The following RYR2 variants were observed in gnomAD, a reference collection of about 807,000 sequenced individuals.
RYR2 encodes ryanodine receptor 2.
RYR2 carries 227 observed loss-of-function variants against 601.1 expected under a neutral mutation model. That is an observed-to-expected ratio of 0.38 (90% CI 0.34 to 0.42). The LOEUF (loss-of-function observed/expected upper bound fraction) is 0.42, where lower values mean the gene tolerates loss of function less well. Among genes scored for constraint, RYR2 ranks in the 10% least tolerant of loss-of-function variants. The pLI, the probability that RYR2 is intolerant of heterozygous loss-of-function variation, is 1.00. For missense variants in RYR2, 4,646 were observed against 6,156.5 expected, an observed-to-expected ratio of 0.75 and a Z score of 8.21; for synonymous variants, 2,223 against 2,175.1, an observed-to-expected ratio of 1.02 and a Z score of -0.61.
At chr1:237,770,076 C>T (rs962912281) in intron 84 of RYR2, among the ~76,000 whole-genome samples, 15 of 152,072 alleles carry the variant, frequency 9.9e-5, no homozygotes, top group East Asian at 1.9e-4. Context: ...AACTAGGGGA[C>T]GCCTTTCTTT....
At chr1:237,643,470 C>G (rs145124340) in intron 48 of RYR2, 23 bp downstream of exon 48, 2 of 1,613,604 alleles carry the variant, frequency 1.2e-6, no homozygotes, top group East Asian at 4.5e-5. Context: ...TCAATTTGTC[C>G]TAATTCAGTA....
intron 79 of RYR2, among the ~76,000 whole-genome samples, chr1:237,740,107 A>G (rs1327247435): frequency 1.3e-5 from 2 of 152,186 alleles, no homozygotes; most frequent in African/African-American, 2.4e-5. Context: ...ACTGTCTAAT[A>G]TAACTTCCCA....
At chr1:237,111,236 CA>C (rs2148587799) in intron 1 of RYR2, among the ~76,000 whole-genome samples, 2 of 152,318 alleles carry the variant, frequency 1.3e-5, no homozygotes, top group South Asian at 4.1e-4. Flanking sequence ...CCTCTTCCAA[CA>C]GTTACATTTT....
chr1:237,742,322 T>C lies in RYR2; in HGVS notation c.11118T>C (p.Asp3706=), dbSNP rs1691685791. ...GTTGTCATGATGAGGAAGATGACGA[T>C]GGTGAAGAGGAAGTGAAGAGTTTTG... ...AKSCHDEEDD[D]GEEEVKSFEE... is the part of the protein sequence containing the mutation. The change falls in exon 80 of 105, where the codon GAT becomes GAC. Residue 3706 remains aspartate, a synonymous_variant. Transcript: ENST00000366574. 6.4e-7 allele frequency: 1 copy of C among 1,566,288 alleles called. No homozygotes were observed. The highest frequency in any genetic ancestry group is 8.7e-7 in the Non-Finnish European group (1 of 1,152,600).
chr1:237,607,213 G>A (rs1228807891), intron 35 of RYR2, among the ~76,000 whole-genome samples: 4 of 152,090 alleles, frequency 2.6e-5, no homozygotes, highest in Non-Finnish European at 5.9e-5. Flanking sequence ...AGAAAATGTG[G>A]CACATATACA....
At chr1:237,136,015 A>C (rs1198154980) in intron 1 of RYR2, among the ~76,000 whole-genome samples, 1 of 152,178 alleles carries the variant, frequency 6.6e-6, no homozygotes, top group Non-Finnish European at 1.5e-5. Context: ...TTGTGCAGGA[A>C]AGCCACTTTG....
At chr1:237,577,866 G>C (rs575063484) in intron 29 of RYR2, among the ~76,000 whole-genome samples, 2 of 152,168 alleles carry the variant, frequency 1.3e-5, no homozygotes, top group African/African-American at 4.8e-5. Flanking sequence ...GCAGTGGCAC[G>C]ATCTCAGCTC....
At chr1:237,777,799 G>T (rs2149332562) in intron 87 of RYR2, among the ~76,000 whole-genome samples, 1 of 152,326 alleles carries the variant, frequency 6.6e-6, no homozygotes, top group East Asian at 1.9e-4. Context: ...ATTTATGAAT[G>T]GAGCAATACC....
At chr1:237,105,833 T>TA (rs1668604578) in intron 1 of RYR2, among the ~76,000 whole-genome samples, 1 of 49,384 alleles carries the variant, frequency 2.0e-5, no homozygotes. Flanking sequence ...AGACTCTGTC[T>TA]CAAAAAAAAA....
rs1187435216 is a variant in RYR2, at chr1:237,452,725, T to C, written c.1293-1666T>C. On this transcript the variant is annotated intron_variant, in intron 14 of 104. Transcript: ENST00000366574. ...AGGTTAATAGCTTTCATTTTTACTC[T>C]AGCATAGTGTGATTCTACTATCTTT... is the stretch of plus-strand genomic sequence containing the variant. Among the ~76,000 whole-genome samples, 3 of 151,296 alleles carry C rather than the reference T, an allele frequency of 2.0e-5. No individual in the cohort carries two copies. The East Asian group carries it at 5.8e-4, about 29-fold the overall frequency.
chr1:237,123,990 G>A (rs1235482436), intron 1 of RYR2, among the ~76,000 whole-genome samples: 1 of 152,136 alleles, frequency 6.6e-6, no homozygotes, highest in Admixed American at 6.5e-5. Flanking sequence ...TGCTATAGCT[G>A]TCTCTTTTCT....
intron 69 of RYR2, 125 bp from the exon 70 acceptor site, chr1:237,709,355 A>G (rs1158428119): frequency 2.8e-6 from 2 of 726,114 alleles, no homozygotes; most frequent in Non-Finnish European, 4.7e-6. Context: ...TAAATATTAC[A>G]ACACTGTGCT....
At chr1:237,671,030 C>T (rs1261328861) in intron 58 of RYR2, among the ~76,000 whole-genome samples, 1 of 152,214 alleles carries the variant, frequency 6.6e-6, no homozygotes, top group Non-Finnish European at 1.5e-5. Flanking sequence ...CACATCCATA[C>T]TTCTGCATAC....
At chr1:237,183,219 A>G (rs1678987601) in intron 1 of RYR2, among the ~76,000 whole-genome samples, 1 of 152,198 alleles carries the variant, frequency 6.6e-6, no homozygotes, top group African/African-American at 2.4e-5. Context: ...TGCAGAACCT[A>G]CTTTGCATTG....
intron 56 of RYR2, among the ~76,000 whole-genome samples, chr1:237,661,653 A>C (rs1046790087): frequency 4.6e-5 from 7 of 152,152 alleles, no homozygotes; most frequent in Admixed American, 4.6e-4. Context: ...AGGAAAGAGT[A>C]GGGTGTTCAG....
chr1:237,271,066 G>GC (rs551246961), intron 2 of RYR2, among the ~76,000 whole-genome samples: 113 of 151,968 alleles, frequency 7.4e-4, no homozygotes, highest in African/African-American at 2.7e-3. Flanking sequence ...GGGTCTAGAT[G>GC]CAGTTCACAT....
chr1:237,238,200 G>T lies in RYR2; in HGVS notation c.49-32297G>T, dbSNP rs989861695. Among the ~76,000 whole-genome samples, 8 of 151,990 alleles carry T rather than the reference G, an allele frequency of 5.3e-5. No individual in the cohort carries two copies. The East Asian group carries it at 1.6e-3, about 30-fold the overall frequency. On this transcript the variant is annotated intron_variant, in intron 1 of 104. Coordinates refer to ENST00000366574, the MANE Select transcript of RYR2 (RefSeq NM_001035.3). Reference sequence around the variant, plus strand: ...GCCCAGGCTGGTCTTGAACTCTTGGGCTCAAGTGAGTCTTCCTTCCTCAGC... The same window carrying T: ...GCCCAGGCTGGTCTTGAACTCTTGGTCTCAAGTGAGTCTTCCTTCCTCAGC...
chr1:237,318,965 G>T (rs979221026), intron 2 of RYR2, among the ~76,000 whole-genome samples: 1 of 151,948 alleles, frequency 6.6e-6, no homozygotes, highest in South Asian at 2.1e-4. Context: ...TGTACTTGAC[G>T]TTATTCCACT....
chr1:237,379,533 G>A (rs1226371715), intron 8 of RYR2, among the ~76,000 whole-genome samples: 1 of 152,204 alleles, frequency 6.6e-6, no homozygotes, highest in Non-Finnish European at 1.5e-5. Flanking sequence ...TAATAATGAT[G>A]ATAAGTGAGG....
Sources: allele counts gnomAD v4.1 joint callset (sites outside exome capture counted in the v4.1 genomes callset), GRCh38; gene constraint gnomAD v4.1.1; transcripts MANE v1.5; gene names NCBI Gene and HGNC (gene_info 2026-07-23, HGNC 2026-07-21).